The following OPCML variants were observed in gnomAD, a reference collection of about 807,000 sequenced individuals.
The protein encoded by OPCML is opioid binding protein/cell adhesion molecule like.
In OPCML, 13 loss-of-function variants were observed where a neutral mutation model predicts 37.8. That is an observed-to-expected ratio of 0.34 (90% CI 0.22 to 0.55). The LOEUF is 0.55. Ranked by LOEUF, OPCML falls within the 20% of genes least tolerant of loss-of-function variation. The pLI, the probability that OPCML is intolerant of heterozygous loss-of-function variation, is 0.91. For missense variants in OPCML, 341 were observed against 435.6 expected, an observed-to-expected ratio of 0.78 and a Z score of 1.93; for synonymous variants, 176 against 168.8, an observed-to-expected ratio of 1.04 and a Z score of -0.33.
At chr11:133,040,025 T>C (rs1340908360) in intron 1 of OPCML, among the ~76,000 whole-genome samples, 16 of 150,422 alleles carry the variant, frequency 1.1e-4, no homozygotes, top group Non-Finnish European at 3.0e-5. Flanking sequence ...CGAGACTCCA[T>C]CTCAAAAAAA....
chr11:132,714,268 T>A (rs1944383586), intron 2 of OPCML, among the ~76,000 whole-genome samples: 1 of 152,306 alleles, frequency 6.6e-6, no homozygotes, highest in Non-Finnish European at 1.5e-5. Flanking sequence ...TTGGAATTTT[T>A]AAAAATCTGA....
At chr11:133,153,973 T>G (rs1459512503) in intron 1 of OPCML, among the ~76,000 whole-genome samples, 1 of 150,440 alleles carries the variant, frequency 6.6e-6, no homozygotes, top group Non-Finnish European at 1.5e-5. Context: ...AAGTGCCCAC[T>G]TTTTGGTTGG....
chr11:133,138,518 T>C (rs1949724824), intron 1 of OPCML, among the ~76,000 whole-genome samples: 1 of 152,246 alleles, frequency 6.6e-6, no homozygotes, highest in Non-Finnish European at 1.5e-5. Flanking sequence ...GCAAATTTCC[T>C]AACCTCTCAA....
chr11:132,829,447 G>A (rs775735452), intron 2 of OPCML, among the ~76,000 whole-genome samples: 7 of 152,144 alleles, frequency 4.6e-5, no homozygotes, highest in Non-Finnish European at 8.8e-5. Flanking sequence ...AGATGGAAAC[G>A]CGGGCAAGGA....
At chr11:132,780,021 A>T (rs982524116) in intron 2 of OPCML, among the ~76,000 whole-genome samples, 1 of 152,172 alleles carries the variant, frequency 6.6e-6, no homozygotes, top group African/African-American at 2.4e-5. Flanking sequence ...ATAGTGTGTG[A>T]GAAAAATGGA....
intron 1 of OPCML, among the ~76,000 whole-genome samples, chr11:133,258,884 G>A (rs1043427634): frequency 5.9e-5 from 9 of 152,166 alleles, no homozygotes; most frequent in African/African-American, 1.4e-4. Context: ...CTGGGCATCC[G>A]CTCTGCTTTT....
At chr11:133,260,606 C>T (rs1941460034) in intron 1 of OPCML, among the ~76,000 whole-genome samples, 1 of 152,084 alleles carries the variant, frequency 6.6e-6, no homozygotes, top group South Asian at 2.1e-4. Context: ...CAGGACCTGG[C>T]AGGCTTTGGA....
At chr11:132,432,135 A>G (rs1048108860) in intron 7 of OPCML, among the ~76,000 whole-genome samples, 3 of 152,202 alleles carry the variant, frequency 2.0e-5, no homozygotes, top group African/African-American at 7.2e-5. Flanking sequence ...AAGCACTGAT[A>G]AGCCAGGGTG....
At chr11:133,109,848 T>A (rs1271800978) in intron 1 of OPCML, among the ~76,000 whole-genome samples, 1 of 152,194 alleles carries the variant, frequency 6.6e-6, no homozygotes, top group African/African-American at 2.4e-5. Flanking sequence ...TAAATTTATC[T>A]CATCCAACCG....
intron 1 of OPCML, among the ~76,000 whole-genome samples, chr11:133,443,866 T>C (rs369493866): frequency 1.1e-3 from 160 of 152,124 alleles, no homozygotes; most frequent in African/African-American, 3.7e-3. Context: ...CCCAGAACAT[T>C]GGGAGGCAAA....
At chr11:133,042,098 A>AG (rs530801867) in intron 1 of OPCML, among the ~76,000 whole-genome samples, 212 of 152,212 alleles carry the variant, frequency 1.4e-3, no homozygotes, top group Middle Eastern at 3.4e-3. Flanking sequence ...CACCACCATT[A>AG]GGCCCACAGT....
At chr11:133,307,547 T>C (rs12417509) in intron 1 of OPCML, among the ~76,000 whole-genome samples, 7,384 of 152,272 alleles carry the variant, frequency 0.048, 206 homozygotes, top group Middle Eastern at 0.072. Flanking sequence ...GCTGTCCCCA[T>C]GACCATGATG....
intron 1 of OPCML, among the ~76,000 whole-genome samples, chr11:133,456,578 A>G (rs1339516697): frequency 6.6e-6 from 1 of 152,178 alleles, no homozygotes; most frequent in Non-Finnish European, 1.5e-5. Context: ...CTGAAGAAAA[A>G]TAGGTATCAG....
chr11:133,479,892 G>A (rs1000518121), intron 1 of OPCML, among the ~76,000 whole-genome samples: 4 of 152,186 alleles, frequency 2.6e-5, no homozygotes, highest in Non-Finnish European at 5.9e-5. Flanking sequence ...CCTGGCCTTC[G>A]AAGAGCACTG....
chr11:133,225,241 C>A (rs762646414), intron 1 of OPCML, among the ~76,000 whole-genome samples: 6 of 152,180 alleles, frequency 3.9e-5, no homozygotes, highest in Non-Finnish European at 7.3e-5. Flanking sequence ...ATAAAGCCAA[C>A]AGAGTAGAGA....
chr11:133,189,798 AG>A (rs1436137227), intron 1 of OPCML, among the ~76,000 whole-genome samples: 1 of 152,240 alleles, frequency 6.6e-6, no homozygotes, highest in African/African-American at 2.4e-5. Context: ...CAAAGGAACC[AG>A]TTGTCTGAGT....
At chr11:133,214,253 C>T (rs1939495308) in intron 1 of OPCML, among the ~76,000 whole-genome samples, 1 of 151,876 alleles carries the variant, frequency 6.6e-6, no homozygotes, top group African/African-American at 2.4e-5. Context: ...GATTTATTGG[C>T]TGAATTTTTG....
intron 4 of OPCML, among the ~76,000 whole-genome samples, chr11:132,448,577 C>T (rs1409014029): frequency 6.6e-6 from 1 of 152,232 alleles, no homozygotes; most frequent in African/African-American, 2.4e-5. Context: ...CTGGCAAGGG[C>T]TCTCCTCATC....
intron 2 of OPCML, among the ~76,000 whole-genome samples, chr11:132,822,503 AGTGTGTGTGTGT>A (rs35359537): frequency 1.3e-5 from 2 of 149,544 alleles, no homozygotes; most frequent in African/African-American, 4.9e-5. Context: ...AGGAGAGTGA[AGTGTGTGTGTGT>A]GTGTGTGTGC....
Sources: gnomAD v4.1 joint callset for allele counts (sites outside exome capture counted in the v4.1 genomes callset) on GRCh38, gnomAD v4.1.1 for gene constraint, MANE v1.5 for transcripts, NCBI Gene and HGNC (gene_info 2026-07-23, HGNC 2026-07-21) for gene names.